Variants in TNPO3 observed in about 807,000 individuals in gnomAD.
TNPO3 encodes transportin-3.
A neutral mutation model predicts 122.8 loss-of-function variants in TNPO3; 65 were observed. The observed-to-expected ratio is 0.53, with a 90% CI of 0.43 to 0.65. TNPO3 has a LOEUF of 0.65. Ranked by LOEUF, TNPO3 falls within the 30% of genes least tolerant of loss-of-function variation. The probability of loss-of-function intolerance (pLI) is 0.00; values close to 1 mark genes in which losing one functional copy is unlikely to be tolerated. For missense variants in TNPO3, 850 were observed against 1,136.7 expected, an observed-to-expected ratio of 0.75 and a Z score of 3.63; for synonymous variants, 372 against 411.2, an observed-to-expected ratio of 0.90 and a Z score of 1.15.
At chr7:128,981,009 T>C (rs992701490) in intron 14 of TNPO3, among the ~76,000 whole-genome samples, 2 of 152,212 alleles carry the variant, frequency 1.3e-5, no homozygotes, top group Non-Finnish European at 2.9e-5. Context: ...CAAACTACTT[T>C]AAAGGAAAGC....
chr7:128,957,414 T>A, intron 21 of TNPO3, 99 bp from the exon 22 acceptor site: 1 of 1,218,414 alleles, frequency 8.2e-7, no homozygotes, highest in South Asian at 1.3e-5. Context: ...CCGTCCCAAC[T>A]CTGCTAGGAG....
chr7:128,990,193 G>C (rs775910697), intron 10 of TNPO3, 93 bp from the exon 11 acceptor site: 1 of 1,387,864 alleles, frequency 7.2e-7, no homozygotes, highest in Non-Finnish European at 1.0e-6. Flanking sequence ...CATTGCTAAA[G>C]GGCTTCTTTC....
chr7:128,960,289 A>C lies in TNPO3; in HGVS notation c.2712-2974T>G, dbSNP rs181489013. Among the ~76,000 whole-genome samples, 6 of 152,330 alleles carry C rather than the reference A, an allele frequency of 3.9e-5. No individual in the cohort carries two copies. The East Asian group carries it at 1.2e-3, about 29-fold the overall frequency. On this transcript the variant is annotated intron_variant, in intron 21 of 22. Coordinates refer to ENST00000265388, the MANE Select transcript of TNPO3 (RefSeq NM_012470.4). The stretch of plus-strand genomic sequence containing the variant: ...TATATTACTGGGTTATGTATTTACT[A>C]TACTACACTTTTTATCATTAATTTA...
intron 1 of TNPO3, among the ~76,000 whole-genome samples, chr7:129,035,612 T>C (rs1806548575): frequency 6.6e-6 from 1 of 151,696 alleles, no homozygotes; most frequent in Admixed American, 6.6e-5. Flanking sequence ...CGAGACCACG[T>C]CGGGGGGAAA....
At position 128,973,911 on chromosome 7, in the gene TNPO3, C is replaced by T. The variant is rs544206981; in HGVS notation, c.2273+957G>A. Among the ~76,000 whole-genome samples, 24 of 149,918 alleles carry T rather than the reference C, an allele frequency of 1.6e-4. No homozygotes were observed. The South Asian group carries it at 4.7e-3, about 29-fold the overall frequency. Reference sequence around the variant, plus strand: ...CAATCCTGCCAGGTACGGTGGCTCACGCCTGTAATCCCAGGACTTTGGGAG... The same window carrying T: ...CAATCCTGCCAGGTACGGTGGCTCATGCCTGTAATCCCAGGACTTTGGGAG... On this transcript the variant is annotated intron_variant, in intron 18 of 22. Coordinates refer to ENST00000265388, the MANE Select transcript of TNPO3 (RefSeq NM_012470.4).
intron 5 of TNPO3, among the ~76,000 whole-genome samples, chr7:129,002,746 G>A (rs1802084904): frequency 6.6e-6 from 1 of 151,850 alleles, no homozygotes; most frequent in Non-Finnish European, 1.5e-5. Context: ...GTGAAACCCT[G>A]TCTCTACTAA....
At chr7:129,027,828 T>C (rs778054441) in intron 1 of TNPO3, among the ~76,000 whole-genome samples, 1 of 152,036 alleles carries the variant, frequency 6.6e-6, no homozygotes, top group Non-Finnish European at 1.5e-5. Flanking sequence ...AAACTGGAAT[T>C]CAGAAATATC....
intron 1 of TNPO3, among the ~76,000 whole-genome samples, chr7:129,023,146 G>A (rs1305756296): frequency 2.0e-5 from 3 of 152,072 alleles, no homozygotes; most frequent in African/African-American, 7.2e-5. Flanking sequence ...GTAATTATAA[G>A]ATACTCTGTC....
At chr7:128,983,756 C>A (rs1225987170) in intron 13 of TNPO3, among the ~76,000 whole-genome samples, 1 of 125,088 alleles carries the variant, frequency 8.0e-6, no homozygotes, top group East Asian at 2.5e-4. Context: ...TCTTTTTAGA[C>A]TAAACCAATG....
At chr7:128,982,654 T>C (rs1799746577) in intron 13 of TNPO3, among the ~76,000 whole-genome samples, 1 of 152,010 alleles carries the variant, frequency 6.6e-6, no homozygotes, top group African/African-American at 2.4e-5. Context: ...AGATTGTATA[T>C]ATGTTATGTT....
At chr7:129,001,783 T>G (rs1226374641) in intron 5 of TNPO3, among the ~76,000 whole-genome samples, 2 of 152,214 alleles carry the variant, frequency 1.3e-5, no homozygotes, top group Admixed American at 6.5e-5. Flanking sequence ...AGCCTTTCTG[T>G]CCCGAAGTCA....
At chr7:129,043,983 T>A (rs1284923543) in intron 1 of TNPO3, among the ~76,000 whole-genome samples, 2 of 152,236 alleles carry the variant, frequency 1.3e-5, no homozygotes, top group East Asian at 1.9e-4. Context: ...ATAAACCAGA[T>A]GAGAATTCTA....
intron 1 of TNPO3, among the ~76,000 whole-genome samples, chr7:129,025,774 C>T (rs934490398): frequency 2.6e-5 from 4 of 152,070 alleles, no homozygotes; most frequent in African/African-American, 7.2e-5. Context: ...CACTAAGCTA[C>T]ACATCTGCAT....
chr7:129,010,431 G>A (rs945047872), intron 4 of TNPO3, among the ~76,000 whole-genome samples: 6 of 152,022 alleles, frequency 3.9e-5, no homozygotes, highest in South Asian at 2.1e-4. Flanking sequence ...GCCTTCCAAC[G>A]TGCTGGAATT....
chr7:128,996,022 C>T (rs913012540), intron 8 of TNPO3, among the ~76,000 whole-genome samples: 10 of 152,086 alleles, frequency 6.6e-5, no homozygotes, highest in Non-Finnish European at 1.3e-4. Flanking sequence ...TAAAAAATAG[C>T]GGGGGTGGGT....
At chr7:129,031,510 T>G (rs1465759102) in intron 1 of TNPO3, among the ~76,000 whole-genome samples, 1 of 151,574 alleles carries the variant, frequency 6.6e-6, no homozygotes, top group African/African-American at 2.4e-5. Flanking sequence ...AAACAGAAAA[T>G]CTGAACAGAC....
chr7:129,047,200 G>A (rs1421616449), intron 1 of TNPO3, among the ~76,000 whole-genome samples: 2 of 152,108 alleles, frequency 1.3e-5, no homozygotes, highest in Non-Finnish European at 2.9e-5. Context: ...AAACTTTTGA[G>A]GTAATATCTA....
intron 14 of TNPO3, 135 bp from the exon 15 acceptor site, chr7:128,980,166 C>T (rs546646299): frequency 2.6e-6 from 2 of 779,964 alleles, no homozygotes; most frequent in East Asian, 5.3e-5. Flanking sequence ...CATTTACTTA[C>T]ATCACCTTTA....
rs939928424 is a variant in TNPO3 at position 128,960,585 on chromosome 7, T to A, written c.2712-3270A>T. ...AAGTTTAAAAGCTAAAAAAAAAAAA[T>A]AAAGTAATTTTAAGAATAGAAAAAA... is the stretch of plus-strand genomic sequence containing the variant. On this transcript the variant is annotated intron_variant, in intron 21 of 22. Coordinates refer to ENST00000265388, the MANE Select transcript of TNPO3 (RefSeq NM_012470.4). 3.9e-3 allele frequency among the ~76,000 whole-genome samples: 569 copies of A among 147,664 alleles called. 2 individuals are homozygous for A. The highest frequency in any genetic ancestry group is 5.7e-3 in the Non-Finnish European group (380 of 66,314).
Sources: gnomAD v4.1 joint callset for allele counts (sites outside exome capture counted in the v4.1 genomes callset) on GRCh38, gnomAD v4.1.1 for gene constraint, MANE v1.5 for transcripts, NCBI Gene and HGNC (gene_info 2026-07-23, HGNC 2026-07-21) for gene names.